Variants in TSEN54 observed in about 807,000 individuals in gnomAD.
The protein encoded by TSEN54 is tRNA-splicing endonuclease subunit Sen54.
A neutral mutation model predicts 61.9 loss-of-function variants in TSEN54; 55 were observed. That is an observed-to-expected ratio of 0.89 (90% confidence interval 0.72 to 1.11). TSEN54 has a LOEUF of 1.11. Ranked by LOEUF, TSEN54 falls within the 50% of genes most tolerant of loss-of-function variation. The probability of loss-of-function intolerance (pLI) is 0.00; values close to 1 mark genes in which losing one functional copy is unlikely to be tolerated. For missense variants in TSEN54, 760 were observed against 687.7 expected (o/e 1.11, Z -1.18); for synonymous variants, 304 against 288.7 (o/e 1.05, Z -0.54).
Position 75,524,301 on chromosome 17 carries a change from G to A in TSEN54, c.1470G>A (p.Arg490=). ...TCCCAGACCTCTGCAGCCTCAAGCG[G>A]TTGTCTTACCAGAGTGGGGATGTCC... ...EPVPDLCSLK[R]LSYQSGDVPL... The change falls in exon 11 of 11, where the codon CGG becomes CGA. Residue 490 remains arginine (R), a synonymous_variant. Coordinates refer to ENST00000333213, the MANE Select transcript of TSEN54 (RefSeq NM_207346.3). 1 of 1,614,202 alleles carries A rather than the reference G, an allele frequency of 6.2e-7. No homozygotes were observed. Among genetic ancestry groups the A allele is most frequent in the Non-Finnish European group, 8.5e-7 (1 of 1,180,038 alleles).
In TSEN54 at chr17:75,523,323, A is replaced by G. The variant is rs770256587; in HGVS notation, c.1301A>G (p.Asp434Gly). Residue 434 changes from aspartate to glycine, a missense_variant, in exon 9 of 11, where the codon GAT becomes GGT. By Grantham distance (94) the Asp-to-Gly change is moderately conservative. Transcript: ENST00000333213. ...GTGCTGCAGACAACACACCTTCCTG[A>G]TGGAGGTGCCCGGTAAGTTTCCAAG... The part of the protein sequence containing the change: ...ISVLQTTHLP[D>G]GGARLLEKSG... 3.1e-6 allele frequency: 5 copies of G among 1,614,038 alleles called. No homozygotes were observed. The highest frequency in any genetic ancestry group is 4.2e-6 in the Non-Finnish European group (5 of 1,179,988).
Position 75,522,281 on chromosome 17 carries a change from G to C in TSEN54, c.1200G>C (p.Leu400=), listed in dbSNP as rs2053437769. 2 of 1,546,366 alleles carry C rather than the reference G, an allele frequency of 1.3e-6. No individual in the cohort carries two copies. Among genetic ancestry groups the C allele is most frequent in the Non-Finnish European group, 1.7e-6 (2 of 1,146,612 alleles). The change falls in exon 8 of 11, where the codon CTG becomes CTC. Residue 400 remains leucine, a synonymous_variant. Transcript: ENST00000333213. ...GGAGCCAGCGCCGGGCCCCTCACCT[G>C]TGGGGCCAGCCCGTCACCCCGCTGC... The part of the protein sequence containing the change: ...VQRSQRRAPH[L]WGQPVTPLLS...
At chr17:75,523,820 C>T (rs1194044994) in intron 10 of TSEN54, 41 bp downstream of exon 10, 9 of 1,603,098 alleles carry the variant, frequency 5.6e-6, no homozygotes, top group Non-Finnish European at 7.7e-6. Context: ...CAGCTGCTGC[C>T]AGTTCTCCTG....
In TSEN54 at chr17:75,519,027, G is replaced by C; in HGVS notation, c.501G>C (p.Val167=). ...GCCACCTGAAGAGGTTGGGTTATGT[G>C]GTTCGACGATTCCAACCAAGGTAAA... ...VFSHLKRLGY[V]VRRFQPSSVL... Residue 167 remains valine, a synonymous_variant, in exon 6 of 11, where the codon GTG becomes GTC. Coordinates refer to ENST00000333213, the MANE Select transcript of TSEN54 (RefSeq NM_207346.3). 2 of 1,613,770 alleles carry C rather than the reference G, an allele frequency of 1.2e-6. No homozygotes were observed. Among genetic ancestry groups the C allele is most frequent in the Non-Finnish European group, 1.7e-6 (2 of 1,179,956 alleles).
intron 9 of TSEN54, 151 bp from the exon 10 acceptor site, chr17:75,523,512 C>G (rs1162115865): frequency 3.7e-6 from 6 of 1,600,800 alleles, no homozygotes; most frequent in Non-Finnish European, 5.1e-6. Context: ...GGAGAATAAC[C>G]AGTGGGTTAG....
chr17:75,522,330 C>T lies in TSEN54; in HGVS notation c.1249C>T (p.Pro417Ser). 6.5e-7 allele frequency: 1 copy of T among 1,545,106 alleles called. No individual in the cohort carries two copies. Among genetic ancestry groups the T allele is most frequent in the Non-Finnish European group, 8.7e-7 (1 of 1,146,824 alleles). ...PLLSPGQASS[P>S]AVVLQHISVL... ...GCTGAGTCCTGGCCAGGCCAGCTCC[C>T]CAGGTACCCCCTCAGCCTGCCACAT... The change falls in exon 8 of 11, where the codon CCA becomes TCA. Residue 417 changes from proline (P) to serine (S), a missense_variant. By Grantham distance (74) the Pro-to-Ser change is moderately conservative. Transcript: ENST00000333213.
intron 4 of TSEN54, 65 bp from the exon 5 acceptor site, chr17:75,517,491 GT>G: frequency 7.0e-7 from 1 of 1,434,976 alleles, no homozygotes; most frequent in African/African-American, 1.4e-5. Flanking sequence ...GAGCTGGGAA[GT>G]TGCCCCATTC....
Position 75,521,870 on chromosome 17 carries a change from C to T in TSEN54, c.789C>T (p.Ser263=). 2 of 1,611,262 alleles carry T rather than the reference C, an allele frequency of 1.2e-6. No individual in the cohort carries two copies. Among genetic ancestry groups the T allele is most frequent in the Non-Finnish European group, 1.7e-6 (2 of 1,179,178 alleles). ...GPGGPFQLLG[S]LGPSPGPARE... The stretch of plus-strand genomic sequence containing the variant: ...GGGGCCCCTTTCAGCTTCTGGGGTC[C>T]CTGGGCCCCAGCCCTGGCCCGGCCA... The change falls in exon 8 of 11, where the codon TCC becomes TCT. Residue 263 remains serine, a synonymous_variant. Coordinates refer to ENST00000333213, the MANE Select transcript of TSEN54 (RefSeq NM_207346.3).
At position 75,522,027 on chromosome 17, in the gene TSEN54, C is replaced by G. The variant is rs377207901; in HGVS notation, c.946C>G (p.Arg316Gly). The change falls in exon 8 of 11, where the codon CGC (arginine) becomes GGC (glycine). Residue 316 changes from arginine to glycine, a missense_variant. By Grantham distance (125) the Arg-to-Gly change is moderately radical. Coordinates refer to ENST00000333213, the MANE Select transcript of TSEN54 (RefSeq NM_207346.3). ...TTCAGACAGCCGCCACACCCTTCTG[C>G]GCGCCCCAGCCCCAGAGCTGCTCCC... ...MASDSRHTLL[R>G]APAPELLPAN... is the part of the protein sequence containing the mutation. 2 of 1,593,570 alleles carry G rather than the reference C, an allele frequency of 1.3e-6. 1 individual carries two copies. The highest frequency in any genetic ancestry group is 1.7e-6 in the Non-Finnish European group (2 of 1,170,826).
At chr17:75,520,412 T>C (rs1448047972) in intron 6 of TSEN54, among the ~76,000 whole-genome samples, 2 of 69,426 alleles carry the variant, frequency 2.9e-5, no homozygotes, top group African/African-American at 6.2e-5. Context: ...TCTACTAAAA[T>C]ACCAAAAAAA....
At position 75,516,750 on chromosome 17, in the gene TSEN54, C is replaced by G. The variant is rs746901639; in HGVS notation, c.61C>G (p.Arg21Gly). ...CCGCGTCCCCTTCTCCCCCAGCGCC[C>G]GGGAGCTCTTCGCCGCCCGCTCGCG... ...EVPAGRVLSARELFAARSRSQ... is the reference protein window; with the variant it reads ...EVPAGRVLSAGELFAARSRSQ... Residue 21 changes from arginine to glycine, a missense_variant, in exon 2 of 11, where the codon CGG (arginine) becomes GGG (glycine). Physicochemically the swap from Arg to Gly is moderately radical, Grantham distance 125. Around this residue, in one of 3 missense-constraint regions of TSEN54, gnomAD observed 667 missense variants for 577.8 expected, o/e 1.15. Coordinates refer to ENST00000333213, the MANE Select transcript of TSEN54 (RefSeq NM_207346.3). 12 of 1,571,464 alleles carry G rather than the reference C, an allele frequency of 7.6e-6. No homozygotes were observed. The Admixed American group carries it at 1.9e-4, about 25-fold the overall frequency.
At chr17:75,521,280 C>T in intron 6 of TSEN54, 129 bp from the exon 7 acceptor site, 2 of 799,012 alleles carry the variant, frequency 2.5e-6, no homozygotes, top group Non-Finnish European at 4.3e-6. Context: ...TGCTTAGGGC[C>T]TTAGCACTTG....
chr17:75,520,401 C>A (rs1390016742), intron 6 of TSEN54, among the ~76,000 whole-genome samples: 4 of 140,722 alleles, frequency 2.8e-5, no homozygotes, highest in African/African-American at 1.1e-4. Context: ...GAAACCCTGT[C>A]TCTACTAAAA....
chr17:75,519,173 C>T lies in TSEN54; in HGVS notation c.521+126C>T. 3 of 1,047,060 alleles carry T rather than the reference C, an allele frequency of 2.9e-6. No individual in the cohort carries two copies. In the Admixed American group the frequency reaches 5.2e-5, roughly 18 times the overall value. 64.9% of individuals were successfully genotyped at this position (1,047,060 alleles called of 1,614,324 possible). A position where few individuals can be genotyped will look rare whatever the true frequency, so the allele number is the denominator to read the frequency against. On this transcript the variant is annotated intron_variant, in intron 6 of 10. Coordinates refer to ENST00000333213, the MANE Select transcript of TSEN54 (RefSeq NM_207346.3). ...TGGAGTGCAGTTCCTTGGGCACAGA[C>T]TGGGGGCGCCTGCTGGAAGCGTTCT... is the stretch of plus-strand genomic sequence containing the variant.
At position 75,517,559 on chromosome 17, in the gene TSEN54, C is replaced by G. The variant is rs975449068; in HGVS notation, c.372C>G (p.Gly124=). 6.2e-7 allele frequency: 1 copy of G among 1,613,530 alleles called. No individual in the cohort carries two copies. Among genetic ancestry groups the G allele is most frequent in the Non-Finnish European group, 8.5e-7 (1 of 1,179,926 alleles). ...TGAGCTGTTGGCCCCACTTCCAGGG[C>G]TCCATCCACCTCTTCCACCAAGACC... The part of the protein sequence containing the change: ...PEEALYLLEC[G]SIHLFHQDLP... Residue 124 remains glycine, a splice_region_variant and synonymous_variant, in exon 5 of 11, where the codon GGC becomes GGG. Coordinates refer to ENST00000333213, the MANE Select transcript of TSEN54 (RefSeq NM_207346.3).
rs762557849 is a variant in TSEN54, at chr17:75,521,407, A to G, written c.522-2A>G. On this transcript the variant is annotated splice_acceptor_variant, in intron 6 of 10. Coordinates refer to ENST00000333213, the MANE Select transcript of TSEN54 (RefSeq NM_207346.3). LOFTEE classifies it high-confidence loss of function. ...GGCCCACCCGCTGTTCTCACCCCAC[A>G]GCTCTGTCCTGTCCCCGTATGAGAG... 1 of 1,613,942 alleles carries G rather than the reference A, an allele frequency of 6.2e-7. No homozygotes were observed. The highest frequency in any genetic ancestry group is 1.1e-5 in the South Asian group (1 of 91,082).
At chr17:75,518,811 G>C (rs749158844) in intron 5 of TSEN54, 184 bp from the exon 6 acceptor site, 28 of 985,300 alleles carry the variant, frequency 2.8e-5, no homozygotes, top group Non-Finnish European at 3.3e-5. Flanking sequence ...CAGGAATTCA[G>C]AGCCTGAGAT....
Position 75,521,889 on chromosome 17 carries a change from C to G in TSEN54, c.808C>G (p.Pro270Ala), listed in dbSNP as rs758853965. 6.2e-7 allele frequency: 1 copy of G among 1,609,840 alleles called. No homozygotes were observed. The highest frequency in any genetic ancestry group is 8.5e-7 in the Non-Finnish European group (1 of 1,178,484). Residue 270 changes from proline (P) to alanine (A), a missense_variant, in exon 8 of 11, where the codon CCG becomes GCG. Pro to Ala is a conservative substitution (Grantham distance 27). This residue lies in a region of TSEN54 where 667 missense variants were observed against 577.8 expected (regional missense o/e 1.15). Coordinates refer to ENST00000333213, the MANE Select transcript of TSEN54 (RefSeq NM_207346.3). ...LLGSLGPSPG[P>A]AREGVGCSWE... The stretch of plus-strand genomic sequence containing the variant: ...GGGGTCCCTGGGCCCCAGCCCTGGC[C>G]CGGCCAGGGAGGGGGTGGGGTGCAG...
chr17:75,518,980 T>A lies in TSEN54; in HGVS notation c.469-15T>A, dbSNP rs1473942683. On this transcript the variant is annotated splice_polypyrimidine_tract_variant and intron_variant, in intron 5 of 10. Coordinates refer to ENST00000333213, the MANE Select transcript of TSEN54 (RefSeq NM_207346.3). ...AGTGGCCATCTGAGCTTTCATTTTTTTTTTTTCTTTTGAGGTCTTCAGCCA... is the reference window on the plus strand; with the variant it reads ...AGTGGCCATCTGAGCTTTCATTTTTATTTTTTCTTTTGAGGTCTTCAGCCA... The A allele has an allele frequency of 6.2e-7, 1 of 1,613,882 alleles. No homozygotes were observed. The highest frequency in any genetic ancestry group is 1.3e-5 in the African/African-American group (1 of 74,896).
Sources: gnomAD v4.1 joint callset for allele counts (sites outside exome capture counted in the v4.1 genomes callset) on GRCh38, gnomAD v4.1.1 for gene constraint, gnomAD v4.1.1 regional missense constraint, MANE v1.5 for transcripts, NCBI Gene and HGNC (gene_info 2026-07-23, HGNC 2026-07-21) for gene names.